ZRSR2: variants seen among roughly 807,000 people sequenced by gnomAD.
The protein encoded by ZRSR2 is U2 small nuclear ribonucleoprotein auxiliary factor 35 kDa subunit-related protein 2.
ZRSR2 carries 3 observed loss-of-function variants against 39.4 expected under a neutral mutation model. The observed-to-expected ratio is 0.08, with a 90% CI of 0.03 to 0.20. The LOEUF is 0.20. Among genes scored for constraint, ZRSR2 ranks in the 10% least tolerant of loss-of-function variants. The pLI is 1.00. For missense variants in ZRSR2, 256 were observed against 391.5 expected (o/e 0.65, Z 2.92); for synonymous variants, 137 against 136.0 (o/e 1.01, Z -0.05).
intron 7 of ZRSR2, among the ~76,000 whole-genome samples, chrX:15,811,433 C>CT (rs1242842582): frequency 1.1e-5 from 1 of 90,242 alleles, no homozygotes; most frequent in Admixed American, 1.3e-4. Context: ...ACCCCCCCCC[C>CT]TTTTTTTTTT....
chrX:15,817,005 C>T (rs1161251559), intron 8 of ZRSR2, among the ~76,000 whole-genome samples: 1 of 111,649 alleles, frequency 9.0e-6, no homozygotes, highest in South Asian at 3.7e-4. Context: ...AAGCACTGGC[C>T]GAGGAGGCCA....
chrX:15,818,290 C>T (rs1933018782), intron 8 of ZRSR2, among the ~76,000 whole-genome samples: 1 of 112,349 alleles, frequency 8.9e-6, no homozygotes, highest in Non-Finnish European at 1.9e-5. Context: ...AAGTGGAAAA[C>T]GTTAGTGTTA....
At chrX:15,820,493 A>T (rs73441974) in intron 10 of ZRSR2, among the ~76,000 whole-genome samples, 177 bp downstream of exon 10, 1,930 of 111,808 alleles carry the variant, frequency 0.017, 37 homozygotes, top group African/African-American at 0.057. Flanking sequence ...ACCGACCTCA[A>T]TGAGTCACTT....
At chrX:15,794,103 T>C (rs1016345252) in intron 2 of ZRSR2, among the ~76,000 whole-genome samples, 3 of 112,335 alleles carry the variant, frequency 2.7e-5, no homozygotes, top group Non-Finnish European at 5.6e-5. Context: ...TACAGTTACA[T>C]GTACAGGTTG....
chrX:15,792,660 T>C, intron 2 of ZRSR2, among the ~76,000 whole-genome samples: 1 of 112,095 alleles, frequency 8.9e-6, no homozygotes, highest in Middle Eastern at 4.6e-3. Flanking sequence ...CAGATGGTCA[T>C]TTGACCTTCA....
At chrX:15,816,143 T>G (rs188972749) in intron 8 of ZRSR2, among the ~76,000 whole-genome samples, 162 of 112,471 alleles carry the variant, frequency 1.4e-3, no homozygotes, top group African/African-American at 5.1e-3. Flanking sequence ...TTTCATTTAT[T>G]TAGTAGCTTT....
Position 15,823,169 on chromosome X carries a change from C to G in ZRSR2, c.1376C>G (p.Ser459Cys). ...RSRRSRSQSS[S>C]RSRSRGRRRS... ...CGCCGCAGCCGGAGCCAAAGTTCCT[C>G]TAGGTCCCGAAGTCGTGGCAGGAGG... Residue 459 changes from serine (S) to cysteine (C), a missense_variant, in exon 11 of 11, where the codon TCT becomes TGT. This residue lies in a region of ZRSR2 where 111 missense variants were observed against 116.7 expected (regional missense o/e 0.95). Coordinates refer to ENST00000307771, the MANE Select transcript of ZRSR2 (RefSeq NM_005089.4). 2 of 1,204,171 alleles carry G rather than the reference C, an allele frequency of 1.7e-6. No individual in the cohort carries two copies. The highest frequency in any genetic ancestry group is 3.0e-5 in the East Asian group (1 of 33,719).
chrX:15,822,819 T>G lies in ZRSR2; in HGVS notation c.1026T>G (p.Ala342=), dbSNP rs1415861615. 5.8e-6 allele frequency: 7 copies of G among 1,211,000 alleles called. No individual in the cohort carries two copies. The highest frequency in any genetic ancestry group is 7.8e-6 in the Non-Finnish European group (7 of 895,503). ...FRNPNNEFWE[A]NRDIYLSPDR... ...ATCCCAACAATGAATTCTGGGAAGC[T>G]AATAGAGACATCTACTTGTCTCCAG... Residue 342 remains alanine (A), a synonymous_variant, in exon 11 of 11, where the codon GCT becomes GCG. Transcript: ENST00000307771.
In ZRSR2 at chrX:15,798,638, T is replaced by C. The variant is rs59727592; in HGVS notation, c.122-1234T>C. Among the ~76,000 whole-genome samples the C allele has an allele frequency of 1.5e-3, 172 of 111,531 alleles. 4 individuals carry two copies. The East Asian group carries it at 0.044, about 29-fold the overall frequency. On this transcript the variant is annotated intron_variant, in intron 2 of 10. Coordinates refer to ENST00000307771, the MANE Select transcript of ZRSR2 (RefSeq NM_005089.4). Reference sequence around the variant, plus strand: ...TGCACCTGAGTACATGAGCAAGTAATTCAATGGTATCATATACAGGCCATA... The same window carrying C: ...TGCACCTGAGTACATGAGCAAGTAACTCAATGGTATCATATACAGGCCATA...
intron 7 of ZRSR2, among the ~76,000 whole-genome samples, chrX:15,812,027 T>G (rs890388481): frequency 1.8e-5 from 2 of 111,045 alleles, no homozygotes; most frequent in East Asian, 2.8e-4. Flanking sequence ...CCTCCTGGGT[T>G]CGCGCCATTC....
intron 5 of ZRSR2, among the ~76,000 whole-genome samples, chrX:15,805,929 C>CA (rs34575364): frequency 7.5e-4 from 50 of 66,341 alleles, no homozygotes; most frequent in African/African-American, 1.2e-3. Context: ...GACTTCGTCT[C>CA]AAAAAAAAAA....
intron 1 of ZRSR2, 55 bp downstream of exon 1, chrX:15,790,591 G>A (rs1311441650): frequency 2.6e-6 from 3 of 1,140,197 alleles, no homozygotes; most frequent in African/African-American, 1.8e-5. Context: ...GGGCATGGAG[G>A]ATGTGGTGGC....
At chrX:15,811,554 A>G (rs1188330361) in intron 7 of ZRSR2, among the ~76,000 whole-genome samples, 1 of 111,492 alleles carries the variant, frequency 9.0e-6, no homozygotes, top group Non-Finnish European at 1.9e-5. Context: ...CCTCTCGAGT[A>G]GTTGGGACTA....
chrX:15,797,391 A>C (rs938113484), intron 2 of ZRSR2, among the ~76,000 whole-genome samples: 34 of 108,064 alleles, frequency 3.1e-4, no homozygotes, highest in African/African-American at 1.0e-3. Flanking sequence ...TTGTATTTTT[A>C]GTAGAGATGG....
intron 2 of ZRSR2, among the ~76,000 whole-genome samples, chrX:15,794,332 C>T (rs906452059): frequency 1.8e-5 from 2 of 110,230 alleles, no homozygotes; most frequent in African/African-American, 6.6e-5. Context: ...CTGACCGCCC[C>T]CCGCCCCTCC....
In ZRSR2 at chrX:15,811,423, A is replaced by AC. The variant is rs11325014; in HGVS notation, c.557+2115dup. 1.3e-3 allele frequency among the ~76,000 whole-genome samples: 116 copies of AC among 91,938 alleles called. 1 individual carries two copies. Among genetic ancestry groups the AC allele is most frequent in the Non-Finnish European group, 2.2e-3 (100 of 45,499 alleles). 79.8% of individuals were successfully genotyped at this position (91,938 alleles called of 115,157 possible). A position where few individuals can be genotyped will look rare whatever the true frequency, so the allele number is the denominator to read the frequency against. On this transcript the variant is annotated intron_variant, in intron 7 of 10. Coordinates refer to ENST00000307771, the MANE Select transcript of ZRSR2 (RefSeq NM_005089.4). ...CGTGGTAGCCTGATTCTTGATTCTC[A>AC]CCCCCCCCCCTTTTTTTTTTGAGAC...
chrX:15,820,261 A>G lies in ZRSR2; in HGVS notation c.882A>G (p.Gly294=), dbSNP rs1933072941. The change falls in exon 10 of 11, where the codon GGA becomes GGG. Residue 294 remains glycine (G), a synonymous_variant. Coordinates refer to ENST00000307771, the MANE Select transcript of ZRSR2 (RefSeq NM_005089.4). ...LSLFNGRWYA[G]RQLQCEFCPV... is the part of the protein sequence containing the mutation. ...TGTTTAACGGACGATGGTATGCAGG[A>G]CGACAGCTGCAGTGTGAATTCTGCC... The G allele has an allele frequency of 3.3e-6, 4 of 1,212,019 alleles. No individual in the cohort carries two copies. In the East Asian group the frequency reaches 1.2e-4, roughly 36 times the overall value.
intron 5 of ZRSR2, 118 bp from the exon 6 acceptor site, chrX:15,808,115 A>G: frequency 1.6e-6 from 1 of 623,614 alleles, no homozygotes; most frequent in South Asian, 2.4e-5. Context: ...AAAGAAAACT[A>G]GAACTTGTGT....
chrX:15,815,997 CTA>C, intron 8 of ZRSR2, 107 bp downstream of exon 8: 1 of 571,635 alleles, frequency 1.7e-6, no homozygotes, highest in South Asian at 5.2e-5. Flanking sequence ...CGCTAGCACT[CTA>C]TAAATGTGAC....
Sources: allele counts gnomAD v4.1 joint callset (sites outside exome capture counted in the v4.1 genomes callset), GRCh38; gene constraint gnomAD v4.1.1; regional missense constraint gnomAD v4.1.1; transcripts MANE v1.5; gene names NCBI Gene and HGNC (gene_info 2026-07-23, HGNC 2026-07-21).